The following DNAJC17 variants were observed in gnomAD, a reference collection of about 807,000 sequenced individuals.
DNAJC17 encodes the protein DnaJ heat shock protein family (Hsp40) member C17.
Under a neutral mutation model 48.1 loss-of-function variants are expected in DNAJC17, and 35 were observed. The observed-to-expected ratio is 0.73, with a 90% CI of 0.56 to 0.96. DNAJC17 has a LOEUF of 0.96. Among genes scored for constraint, DNAJC17 ranks in the 50% least tolerant of loss-of-function variants. The pLI is 0.00. For missense variants in DNAJC17, 355 were observed against 377.1 expected, an observed-to-expected ratio of 0.94 and a Z score of 0.48; for synonymous variants, 117 against 142.7, an observed-to-expected ratio of 0.82 and a Z score of 1.28.
chr15:40,787,927 C>T (rs1161008652), intron 1 of DNAJC17, among the ~76,000 whole-genome samples: 1 of 152,194 alleles, frequency 6.6e-6, no homozygotes, highest in Non-Finnish European at 1.5e-5. Flanking sequence ...GGTTGCTGTC[C>T]TTTCTTGTAA....
chr15:40,797,009 C>T (rs1196601785), intron 1 of DNAJC17, among the ~76,000 whole-genome samples: 1 of 152,074 alleles, frequency 6.6e-6, no homozygotes, highest in Non-Finnish European at 1.5e-5. Flanking sequence ...TCAAGCAATC[C>T]TCCTGCCTCA....
intron 1 of DNAJC17, among the ~76,000 whole-genome samples, chr15:40,797,413 C>CT (rs1300374841): frequency 2.0e-5 from 3 of 151,406 alleles, no homozygotes; most frequent in Admixed American, 2.0e-4. Flanking sequence ...AAACAGATTT[C>CT]TTTCTTTTTT....
At chr15:40,793,053 T>G (rs1427418540) in intron 1 of DNAJC17, among the ~76,000 whole-genome samples, 1 of 151,916 alleles carries the variant, frequency 6.6e-6, no homozygotes, top group Admixed American at 6.6e-5. Flanking sequence ...CCACCACGCC[T>G]GGCTAATTTT....
At chr15:40,779,133 G>A (rs753532247) in intron 4 of DNAJC17, 90 bp downstream of exon 4, 2 of 1,318,296 alleles carry the variant, frequency 1.5e-6, no homozygotes, top group Non-Finnish European at 2.2e-6. Context: ...GCTTTGAGAT[G>A]AGTTGCTGGA....
Position 40,767,388 on chromosome 15 carries a change from A to G in DNAJC17, c.*552T>C. ...ATTTGCAGACGGGGCACCCCTGTGG[A>G]GGGGCTGCTGTGGGCCCTGACCTCC... On this transcript the variant is annotated 3_prime_UTR_variant, in exon 11 of 11. Transcript: ENST00000220496. 1 of 1,569,570 alleles carries G rather than the reference A, an allele frequency of 6.4e-7. No individual in the cohort carries two copies. The highest frequency in any genetic ancestry group is 8.6e-7 in the Non-Finnish European group (1 of 1,159,218).
At chr15:40,795,819 A>G (rs11855641) in intron 1 of DNAJC17, among the ~76,000 whole-genome samples, 52,055 of 151,916 alleles carry the variant, frequency 0.34, 9,031 homozygotes, top group South Asian at 0.4. Context: ...TTGAACCCGA[A>G]AGGCAGAGGT....
chr15:40,767,207 C>T lies in DNAJC17; in HGVS notation c.*733G>A, dbSNP rs376440278. The T allele has an allele frequency of 4.7e-6, 7 of 1,487,294 alleles. No individual in the cohort carries two copies. The South Asian group carries it at 5.6e-5, about 12-fold the overall frequency. 92.1% of individuals were successfully genotyped at this position (1,487,294 alleles called of 1,614,324 possible). ...TGCTGTGTGCCCCTCCTCACCCCCC[C>T]CATCCTGTCTCTTTGCAGTTATGAA... On this transcript the variant is annotated 3_prime_UTR_variant, in exon 11 of 11. Coordinates refer to ENST00000220496, the MANE Select transcript of DNAJC17 (RefSeq NM_018163.3).
chr15:40,768,355 GC>G (rs1278640146), intron 10 of DNAJC17, among the ~76,000 whole-genome samples: 1 of 152,168 alleles, frequency 6.6e-6, no homozygotes, highest in Non-Finnish European at 1.5e-5. Flanking sequence ...GGCCCTCTAA[GC>G]CAGGCCCTCG....
At chr15:40,779,334 G>A (rs371215290) in intron 3 of DNAJC17, 24 bp from the exon 4 acceptor site, 4 of 1,612,652 alleles carry the variant, frequency 2.5e-6, no homozygotes, top group Non-Finnish European at 3.4e-6. Context: ...GGGGCACAGG[G>A]CAGAGGGTCA....
intron 2 of DNAJC17, 129 bp downstream of exon 2, chr15:40,779,799 G>A: frequency 8.4e-7 from 1 of 1,191,446 alleles, no homozygotes; most frequent in South Asian, 1.3e-5. Flanking sequence ...GGAAGCCCTG[G>A]GACCCATTGC....
intron 1 of DNAJC17, among the ~76,000 whole-genome samples, chr15:40,780,836 T>A (rs867822420): frequency 2.2e-5 from 3 of 136,498 alleles, no homozygotes; most frequent in East Asian, 2.2e-4. Context: ...TAAAATAAAA[T>A]AAAAAATAAA....
intron 6 of DNAJC17, 138 bp from the exon 7 acceptor site, chr15:40,775,734 G>A (rs1889301165): frequency 2.4e-5 from 20 of 850,894 alleles, no homozygotes; most frequent in Non-Finnish European, 3.7e-5. Context: ...CTCTGGTGAG[G>A]GCCTGGTGGG....
In DNAJC17 at chr15:40,779,468, G is replaced by C. The variant is rs1447805354; in HGVS notation, c.207+77C>G. On this transcript the variant is annotated intron_variant, in intron 3 of 10. Transcript: ENST00000220496. ...GCAAGGACTGTGCCACATGGCAAAG[G>C]GCAGAGGACCGAGGTTGAGAGGCAG... is the stretch of plus-strand genomic sequence containing the variant. The C allele has an allele frequency of 6.3e-6, 10 of 1,593,834 alleles. No individual in the cohort carries two copies. The African/African-American group carries it at 1.3e-4, about 21-fold the overall frequency.
Position 40,769,621 on chromosome 15 carries a change from A to G in DNAJC17, c.793-1559T>C, listed in dbSNP as rs141274568. On this transcript the variant is annotated intron_variant, in intron 10 of 10. Transcript: ENST00000220496. This position sits in a 1 kb window ranked among gnomAD's most constrained non-coding sequence, Gnocchi z 4.2. ...GCCTGACAGCGGGGCTGAGTCACCC[A>G]TACCAGCTACAGGTCTCTTCCTTCC... is the stretch of plus-strand genomic sequence containing the variant. Among the ~76,000 whole-genome samples the G allele has an allele frequency of 1.3e-5, 2 of 152,256 alleles. No individual in the cohort carries two copies. Among genetic ancestry groups the G allele is most frequent in the Non-Finnish European group, 2.9e-5 (2 of 68,004 alleles).
At chr15:40,798,633 G>A (rs138602143) in intron 1 of DNAJC17, among the ~76,000 whole-genome samples, 3 of 152,154 alleles carry the variant, frequency 2.0e-5, no homozygotes, top group African/African-American at 4.8e-5. Flanking sequence ...TAAGGGCCGC[G>A]TGGGCCAGGG....
At chr15:40,776,342 G>T (rs774237003) in intron 5 of DNAJC17, 50 bp from the exon 6 acceptor site, 23 of 1,583,476 alleles carry the variant, frequency 1.5e-5, no homozygotes, top group Non-Finnish European at 2.0e-5. Context: ...CCAATTCCAG[G>T]CTGGCTCACC....
chr15:40,795,118 CAT>C (rs1481156256), intron 1 of DNAJC17, among the ~76,000 whole-genome samples: 1 of 151,780 alleles, frequency 6.6e-6, no homozygotes, highest in Non-Finnish European at 1.5e-5. Context: ...GATTAAAAAA[CAT>C]AAACTTCTCG....
intron 1 of DNAJC17, among the ~76,000 whole-genome samples, chr15:40,799,008 A>G (rs1278499324): frequency 1.3e-5 from 2 of 151,896 alleles, no homozygotes; most frequent in Non-Finnish European, 2.9e-5. Context: ...TCACGAGGTG[A>G]GGAGATAGAG....
At chr15:40,782,865 C>T (rs757328587) in intron 1 of DNAJC17, among the ~76,000 whole-genome samples, 5 of 152,134 alleles carry the variant, frequency 3.3e-5, no homozygotes, top group Non-Finnish European at 7.3e-5. Context: ...GTTTGGTTCT[C>T]CTGACTGCCT....
Sources: gnomAD v4.1 joint callset for allele counts (sites outside exome capture counted in the v4.1 genomes callset) on GRCh38, gnomAD v4.1.1 for gene constraint, Gnocchi (gnomAD v3.1) non-coding constraint, MANE v1.5 for transcripts, NCBI Gene and HGNC (gene_info 2026-07-23, HGNC 2026-07-21) for gene names.